KIF19: variants seen among roughly 807,000 people sequenced by gnomAD.
KIF19 encodes kinesin-like protein KIF19.
In KIF19, 98 loss-of-function variants were observed where a neutral mutation model predicts 106.6. The observed-to-expected ratio is 0.92, with a 90% confidence interval of 0.78 to 1.09. The LOEUF (loss-of-function observed/expected upper bound fraction) is 1.09, where lower values mean the gene tolerates loss of function less well. Among genes scored for constraint, KIF19 ranks in the 50% least tolerant of loss-of-function variants. The pLI, the probability that KIF19 is intolerant of heterozygous loss-of-function variation, is 0.00. For missense variants in KIF19, 1,373 were observed against 1,414.3 expected, an observed-to-expected ratio of 0.97 and a Z score of 0.47; for synonymous variants, 516 against 584.2, an observed-to-expected ratio of 0.88 and a Z score of 1.68.
At chr17:74,338,866 C>T (rs1216260843) in intron 2 of KIF19, among the ~76,000 whole-genome samples, 1 of 151,866 alleles carries the variant, frequency 6.6e-6, no homozygotes, top group African/African-American at 2.4e-5. Context: ...TGCCTGCTGC[C>T]CCCTCACCAG....
chr17:74,340,556 T>TGCACACACACACACAC (rs911954178), intron 2 of KIF19, among the ~76,000 whole-genome samples: 2 of 151,906 alleles, frequency 1.3e-5, no homozygotes, highest in South Asian at 2.1e-4. Flanking sequence ...TGCGCGCGCG[T>TGCACACACACACACAC]ACACACACAC....
Position 74,344,341 on chromosome 17 carries a change from C to T in KIF19, c.575C>T (p.Ala192Val), listed in dbSNP as rs1298494489. Residue 192 changes from alanine to valine, a missense_variant, in exon 6 of 20, where the codon GCC (alanine) becomes GTC (valine). By Grantham distance (64) the Ala-to-Val change is moderately conservative. Coordinates refer to ENST00000389916, the MANE Select transcript of KIF19 (RefSeq NM_153209.4). ...AGITEVSTINAKEIMQLLMKG... is the reference protein window; with the variant it reads ...AGITEVSTINVKEIMQLLMKG... ...ATCACCGAAGTCTCCACCATCAATGCCAAGGAGGCGAGTTTTGTGTGGCCA... is the reference window on the plus strand; with the variant it reads ...ATCACCGAAGTCTCCACCATCAATGTCAAGGAGGCGAGTTTTGTGTGGCCA... 1 of 1,612,370 alleles carries T rather than the reference C, an allele frequency of 6.2e-7. No homozygotes were observed. Among genetic ancestry groups the T allele is most frequent in the Non-Finnish European group, 8.5e-7 (1 of 1,179,676 alleles).
chr17:74,345,068 G>T (rs1237555967), intron 7 of KIF19, 113 bp downstream of exon 7: 8 of 1,067,402 alleles, frequency 7.5e-6, no homozygotes, highest in African/African-American at 1.6e-5. Context: ...GGGGAGACAG[G>T]TTGGGAGGTG....
chr17:74,344,288 C>T lies in KIF19; in HGVS notation c.522C>T (p.Asp174=). Residue 174 remains aspartate (D), a synonymous_variant, in exon 6 of 20, where the codon GAC becomes GAT. Coordinates refer to ENST00000389916, the MANE Select transcript of KIF19 (RefSeq NM_153209.4). ...PSLGYLELRE[D]SKGVIQVAGI... is the part of the protein sequence containing the mutation. ...TGGGCTACCTGGAGCTGCGGGAGGA[C>T]TCTAAGGGGGTGATCCAGGTGGCCG... The T allele has an allele frequency of 1.9e-6, 3 of 1,613,022 alleles. No homozygotes were observed. The highest frequency in any genetic ancestry group is 2.2e-5 in the South Asian group (2 of 91,068).
rs745905498 is a variant in KIF19 at position 74,354,176 on chromosome 17, C to T, written c.2323C>T (p.Leu775=). The T allele has an allele frequency of 1.0e-4, 166 of 1,607,702 alleles. No homozygotes were observed. The highest frequency in any genetic ancestry group is 1.3e-4 in the Non-Finnish European group (155 of 1,178,726). ...TCCCGCTGCAGAGAGGAAGGAGATCCTGACTGGCACCAAGTGCATCTGGGT... is the reference window on the plus strand; with the variant it reads ...TCCCGCTGCAGAGAGGAAGGAGATCTTGACTGGCACCAAGTGCATCTGGGT... The part of the protein sequence containing the change: ...PLSHKERKEI[L]TGTKCIWVKA... Residue 775 remains leucine (L), a synonymous_variant, in exon 18 of 20, where the codon CTG becomes TTG. Transcript: ENST00000389916.
intron 2 of KIF19, among the ~76,000 whole-genome samples, chr17:74,332,926 C>T (rs1303895279): frequency 6.6e-6 from 1 of 152,224 alleles, no homozygotes; most frequent in Non-Finnish European, 1.5e-5. Flanking sequence ...GACAGGAGAA[C>T]AGGAAACCTG....
In KIF19 at chr17:74,331,817, T is replaced by G. The variant is rs377456036; in HGVS notation, c.120+3312T>G. 9.9e-5 allele frequency among the ~76,000 whole-genome samples: 15 copies of G among 152,236 alleles called. No homozygotes were observed. The East Asian group carries it at 2.7e-3, about 28-fold the overall frequency. On this transcript the variant is annotated intron_variant, in intron 2 of 19. Transcript: ENST00000389916. The surrounding 1 kb of genome is among the most constrained non-coding windows in gnomAD (Gnocchi z 4.1). ...GTCTCGAACTCCTGACCTCAAGTGA[T>G]ACACCCGCCTCAGCCTCCCAAACTG...
At position 74,353,294 on chromosome 17, in the gene KIF19, C is replaced by T. The variant is rs376417731; in HGVS notation, c.2213C>T (p.Thr738Met). Residue 738 changes from threonine (T) to methionine (M), a missense_variant, in exon 16 of 20, where the codon ACG (threonine) becomes ATG (methionine). By Grantham distance (81) the Thr-to-Met change is moderately conservative. Around this residue, in one of 3 missense-constraint regions of KIF19, gnomAD observed 1,020 missense variants for 1,008.2 expected, o/e 1.01. Coordinates refer to ENST00000389916, the MANE Select transcript of KIF19 (RefSeq NM_153209.4). ...CCCATCCAGCTCGGCAGCCTGGTGA[C>T]GCAGGAGGTGAGCTCTCAGTACCCG... ...PPPIQLGSLV[T>M]QEAPAQDSLG... The T allele has an allele frequency of 4.8e-5, 75 of 1,569,226 alleles. No homozygotes were observed. In the African/African-American group the frequency reaches 5.0e-4, roughly 10 times the overall value.
In KIF19 at chr17:74,354,789, A is replaced by C; in HGVS notation, c.2714A>C (p.His905Pro). The change falls in exon 19 of 20, where the codon CAC (histidine) becomes CCC (proline). Residue 905 changes from histidine (H) to proline (P), a missense_variant. Transcript: ENST00000389916. Reference sequence around the variant, plus strand: ...ACTGTTCAACCATCACAGCTCTCCCACCCCAAGACACACCTCCTGGGGCCC... The same window carrying C: ...ACTGTTCAACCATCACAGCTCTCCCCCCCCAAGACACACCTCCTGGGGCCC... The part of the protein sequence containing the change: ...SFEVTGQGLS[H>P]PKTHLLGPHQ... 1 of 1,555,414 alleles carries C rather than the reference A, an allele frequency of 6.4e-7. No individual in the cohort carries two copies. Among genetic ancestry groups the C allele is most frequent in the Non-Finnish European group, 8.7e-7 (1 of 1,149,240 alleles).
rs765116722 is a variant in KIF19, at chr17:74,352,846, C to A, written c.2006C>A (p.Pro669Gln). The A allele has an allele frequency of 6.2e-7, 1 of 1,613,888 alleles. No individual in the cohort carries two copies. Among genetic ancestry groups the A allele is most frequent in the Non-Finnish European group, 8.5e-7 (1 of 1,179,894 alleles). The change falls in exon 15 of 20, where the codon CCA (proline) becomes CAA (glutamine). Residue 669 changes from proline to glutamine, a missense_variant. Around this residue, in one of 3 missense-constraint regions of KIF19, gnomAD observed 1,020 missense variants for 1,008.2 expected, o/e 1.01. Transcript: ENST00000389916. ...GACAGCTCCTTGCCCAAAATTACCC[C>A]AGCAGGAACCTCACTGACCCCAGAT... The part of the protein sequence containing the change: ...LQDSSLPKIT[P>Q]AGTSLTPDSD...
chr17:74,333,608 G>C (rs2891036), intron 2 of KIF19, among the ~76,000 whole-genome samples: 1 of 151,772 alleles, frequency 6.6e-6, no homozygotes, highest in South Asian at 2.1e-4. Flanking sequence ...TGGTCCACCC[G>C]CCTTGGCCTC....
At position 74,326,295 on chromosome 17, in the gene KIF19, G is replaced by T. The variant is rs575786292; in HGVS notation, c.-55G>T. 10 of 1,558,644 alleles carry T rather than the reference G, an allele frequency of 6.4e-6. No homozygotes were observed. In the East Asian group the frequency reaches 2.2e-4, roughly 34 times the overall value. ...CGGACGCGACCCGGAGGCGGTGGGG[G>T]TGCGGCTGAGCCATGCCCGGTGGCG... On this transcript the variant is annotated 5_prime_UTR_variant, in exon 1 of 20. Coordinates refer to ENST00000389916, the MANE Select transcript of KIF19 (RefSeq NM_153209.4).
At position 74,344,479 on chromosome 17, in the gene KIF19, G is replaced by C. The variant is rs945293409; in HGVS notation, c.582+131G>C. 6 of 1,396,036 alleles carry C rather than the reference G, an allele frequency of 4.3e-6. No individual in the cohort carries two copies. In the East Asian group the frequency reaches 1.5e-4, roughly 35 times the overall value. 86.5% of individuals were successfully genotyped at this position (1,396,036 alleles called of 1,614,324 possible). On this transcript the variant is annotated intron_variant, in intron 6 of 19. Coordinates refer to ENST00000389916, the MANE Select transcript of KIF19 (RefSeq NM_153209.4). ...GCTGGGACAGACAGGAGAATCCTGA[G>C]TGGCAGCAAGGAGGGGACTCACACC...
chr17:74,332,204 GTGTGTT>G (rs1418622049), intron 2 of KIF19, among the ~76,000 whole-genome samples: 4,756 of 53,410 alleles, frequency 0.089, 104 homozygotes, highest in South Asian at 0.14. Context: ...GTGTGTGTGT[GTGTGTT>G]TGTGTGTGTG....
At position 74,349,258 on chromosome 17, in the gene KIF19, G is replaced by C. The variant is rs757905718; in HGVS notation, c.1122G>C (p.Glu374Asp). 1.9e-6 allele frequency: 3 copies of C among 1,613,606 alleles called. No homozygotes were observed. Among genetic ancestry groups the C allele is most frequent in the South Asian group, 2.2e-5 (2 of 91,078 alleles). The change falls in exon 10 of 20, where the codon GAG becomes GAC. Residue 374 changes from glutamate to aspartate, a missense_variant. Glu to Asp is a conservative substitution (Grantham distance 45). Coordinates refer to ENST00000389916, the MANE Select transcript of KIF19 (RefSeq NM_153209.4). ...GCATCATCGCTGACCTGCGGGGCGA[G>C]ATCCAGCGACTCAAGCGCAAGATTG... ...YTSIIADLRG[E>D]IQRLKRKIDE...
At chr17:74,342,366 A>G (rs1328727861) in intron 3 of KIF19, among the ~76,000 whole-genome samples, 1 of 152,182 alleles carries the variant, frequency 6.6e-6, no homozygotes, top group Non-Finnish European at 1.5e-5. Context: ...TCCCAGGAAC[A>G]GATGTGATGC....
In KIF19 at chr17:74,351,971, C is replaced by T; in HGVS notation, c.1692C>T (p.Ser564=). 1 of 1,526,068 alleles carries T rather than the reference C, an allele frequency of 6.6e-7. No individual in the cohort carries two copies. Among genetic ancestry groups the T allele is most frequent in the Non-Finnish European group, 8.7e-7 (1 of 1,144,450 alleles). 94.5% of individuals were successfully genotyped at this position (1,526,068 alleles called of 1,614,324 possible). ...IGSEEQREVL[S]LLCRVHELEV... ...CCGAGGAGCAGCGCGAGGTGCTCAGCCTGCTGTGCCGCGTGCACGAGCTCG... is the reference window on the plus strand; with the variant it reads ...CCGAGGAGCAGCGCGAGGTGCTCAGTCTGCTGTGCCGCGTGCACGAGCTCG... Residue 564 remains serine (S), a synonymous_variant, in exon 13 of 20, where the codon AGC becomes AGT. Transcript: ENST00000389916.
chr17:74,354,805 C>T lies in KIF19; in HGVS notation c.2730C>T (p.Leu910=), dbSNP rs1290087806. 1 of 1,559,552 alleles carries T rather than the reference C, an allele frequency of 6.4e-7. No individual in the cohort carries two copies. The highest frequency in any genetic ancestry group is 8.7e-7 in the Non-Finnish European group (1 of 1,151,888). The change falls in exon 19 of 20, where the codon CTC becomes CTT. Residue 910 remains leucine, a synonymous_variant. Coordinates refer to ENST00000389916, the MANE Select transcript of KIF19 (RefSeq NM_153209.4). The part of the protein sequence containing the change: ...GQGLSHPKTH[L]LGPHQAERIS... ...AGCTCTCCCACCCCAAGACACACCTCCTGGGGCCCCATCAGGCGGAGCGCA... is the reference window on the plus strand; with the variant it reads ...AGCTCTCCCACCCCAAGACACACCTTCTGGGGCCCCATCAGGCGGAGCGCA...
intron 16 of KIF19, 39 bp from the exon 17 acceptor site, chr17:74,353,455 G>A: frequency 1.3e-6 from 2 of 1,588,680 alleles, no homozygotes; most frequent in Non-Finnish European, 1.7e-6. Flanking sequence ...TCCCTGCTGT[G>A]TTTAAGGGTT....
Sources: gnomAD v4.1 joint callset for allele counts (sites outside exome capture counted in the v4.1 genomes callset) on GRCh38, gnomAD v4.1.1 for gene constraint, gnomAD v4.1.1 regional missense constraint, Gnocchi (gnomAD v3.1) non-coding constraint, MANE v1.5 for transcripts, NCBI Gene and HGNC (gene_info 2026-07-23, HGNC 2026-07-21) for gene names.